Variants in ITGA1 observed in about 807,000 individuals in gnomAD.
ITGA1 encodes the protein integrin subunit alpha 1, also known as integrin alpha-1.
Under a neutral mutation model 145.9 loss-of-function variants are expected in ITGA1, and 85 were observed. The ratio of observed to expected loss-of-function variants is 0.58; its 90% CI spans 0.49 to 0.70. The LOEUF (loss-of-function observed/expected upper bound fraction) is 0.70, where lower values mean the gene tolerates loss of function less well. Among genes scored for constraint, ITGA1 ranks in the 30% least tolerant of loss-of-function variants. The pLI is 0.00. For missense variants in ITGA1, 1,351 were observed against 1,418.7 expected (o/e 0.95, Z 0.77); for synonymous variants, 520 against 495.3 (o/e 1.05, Z -0.66).
chr5:52,865,937 A>C (rs538850520), intron 6 of ITGA1, 120 bp downstream of exon 6: 3 of 717,542 alleles, frequency 4.2e-6, no homozygotes, highest in African/African-American at 1.9e-5. Flanking sequence ...AATGAATTTT[A>C]TATCCATTTC....
At position 52,834,061 on chromosome 5, in the gene ITGA1, A is replaced by C. The variant is rs528948457; in HGVS notation, c.62-15304A>C. On this transcript the variant is annotated intron_variant, in intron 1 of 28. Coordinates refer to ENST00000282588, the MANE Select transcript of ITGA1 (RefSeq NM_181501.2). The stretch of plus-strand genomic sequence containing the variant: ...TTAGCAATATAGAACAATGTACAAT[A>C]ACACATAACATAAGACAGTCCATGT... 1.3e-4 allele frequency among the ~76,000 whole-genome samples: 20 copies of C among 152,344 alleles called. No homozygotes were observed. In the East Asian group the frequency reaches 3.5e-3, roughly 26 times the overall value.
chr5:52,806,531 T>C (rs906340428), intron 1 of ITGA1, among the ~76,000 whole-genome samples: 1 of 152,084 alleles, frequency 6.6e-6, no homozygotes, highest in Non-Finnish European at 1.5e-5. Flanking sequence ...TTAATGGAGA[T>C]ACCTTCTTCA....
intron 1 of ITGA1, among the ~76,000 whole-genome samples, chr5:52,848,306 T>C (rs1468041862): frequency 2.0e-5 from 3 of 152,166 alleles, no homozygotes; most frequent in Non-Finnish European, 4.4e-5. Flanking sequence ...AAGCTTTACA[T>C]GGTGATATGT....
At chr5:52,903,115 A>G (rs1379186991) in intron 11 of ITGA1, 1 of 152,092 alleles carries the variant, frequency 6.6e-6, no homozygotes, top group East Asian at 1.9e-4. Context: ...AAGAGAGTTA[A>G]CTAAATAATC....
intron 15 of ITGA1, 72 bp downstream of exon 15, chr5:52,915,666 C>T: frequency 3.3e-6 from 5 of 1,523,924 alleles, no homozygotes; most frequent in Non-Finnish European, 2.7e-6. Context: ...GATTGGAGCT[C>T]ATGTCATACC....
At chr5:52,830,128 G>A (rs1484609986) in intron 1 of ITGA1, among the ~76,000 whole-genome samples, 1 of 152,158 alleles carries the variant, frequency 6.6e-6, no homozygotes, top group African/African-American at 2.4e-5. Flanking sequence ...GGGTATAGTA[G>A]CTCTGTGGCA....
chr5:52,871,287 CTT>C (rs1749771888), intron 6 of ITGA1, among the ~76,000 whole-genome samples: 1 of 151,916 alleles, frequency 6.6e-6, no homozygotes, highest in South Asian at 2.1e-4. Flanking sequence ...AAATATATAA[CTT>C]TTTAAATTAA....
At chr5:52,850,110 C>A (rs1374511826) in intron 2 of ITGA1, among the ~76,000 whole-genome samples, 1 of 150,916 alleles carries the variant, frequency 6.6e-6, no homozygotes, top group Non-Finnish European at 1.5e-5. Context: ...TCAAGTGATT[C>A]TCCTGCCTCA....
chr5:52,801,420 C>T (rs145721878), intron 1 of ITGA1: 14 of 1,612,274 alleles, frequency 8.7e-6, no homozygotes, highest in Non-Finnish European at 1.1e-5. Flanking sequence ...TACATGCCTC[C>T]TCCGGACACA....
At chr5:52,912,810 G>A (rs560633844) in intron 14 of ITGA1, among the ~76,000 whole-genome samples, 1 of 149,600 alleles carries the variant, frequency 6.7e-6, no homozygotes, top group South Asian at 2.1e-4. Context: ...GCAGTGGCAC[G>A]ATCTCAGCTT....
At chr5:52,945,214 T>C (rs959432589) in intron 27 of ITGA1, among the ~76,000 whole-genome samples, 179 bp downstream of exon 27, 1 of 152,176 alleles carries the variant, frequency 6.6e-6, no homozygotes, top group South Asian at 2.1e-4. Flanking sequence ...GTCTTATTCA[T>C]CCTTGTAAGA....
chr5:52,846,639 T>C (rs1749342959), intron 1 of ITGA1, among the ~76,000 whole-genome samples: 1 of 152,222 alleles, frequency 6.6e-6, no homozygotes, highest in Non-Finnish European at 1.5e-5. Context: ...AGCTGTTCTC[T>C]ATCACGCTGG....
chr5:52,879,417 G>A (rs1208001455), intron 6 of ITGA1, among the ~76,000 whole-genome samples: 1 of 152,102 alleles, frequency 6.6e-6, no homozygotes, highest in Non-Finnish European at 1.5e-5. Flanking sequence ...CCTAGAATTA[G>A]CCATAATGAT....
intron 8 of ITGA1, 99 bp from the exon 9 acceptor site, chr5:52,893,576 A>G: frequency 9.7e-7 from 1 of 1,033,008 alleles, no homozygotes; most frequent in Non-Finnish European, 1.4e-6. Context: ...CCATTATGCT[A>G]AGGTACTCTA....
In ITGA1 at chr5:52,952,393, T is replaced by C. The variant is rs552181648; in HGVS notation, c.3496-14T>C. 9.6e-5 allele frequency: 134 copies of C among 1,391,614 alleles called. 2 individuals are homozygous for C. In the South Asian group the frequency reaches 1.7e-3, roughly 18 times the overall value. 86.2% of individuals were successfully genotyped at this position (1,391,614 alleles called of 1,614,324 possible). A position where few individuals can be genotyped will look rare whatever the true frequency, so the allele number is the denominator to read the frequency against. On this transcript the variant is annotated splice_polypyrimidine_tract_variant and intron_variant, in intron 28 of 28. Transcript: ENST00000282588. ...AAATAGTTAATTGTGTTATGTTTTG[T>C]GTTTTCTCAACAGATTGGATTCTTC...
At chr5:52,946,889 A>C (rs1460971236) in intron 27 of ITGA1, among the ~76,000 whole-genome samples, 4 of 152,246 alleles carry the variant, frequency 2.6e-5, no homozygotes, top group African/African-American at 4.8e-5. Context: ...TTATACTTTC[A>C]ATTTATAAAC....
rs751215941 is a variant in ITGA1, at chr5:52,898,248, A to T, written c.1174A>T (p.Met392Leu). ...FSAHYSQDWV[M>L]LGAVGAYDWN... ...TTTATTTGCATGTAAGGACTGGGTCATGCTTGGAGCAGTAGGAGCCTATGA... is the reference window on the plus strand; with the variant it reads ...TTTATTTGCATGTAAGGACTGGGTCTTGCTTGGAGCAGTAGGAGCCTATGA... Residue 392 changes from methionine to leucine, a missense_variant, in exon 11 of 29, where the codon ATG becomes TTG. Physicochemically the swap from Met to Leu is conservative, Grantham distance 15 (BLOSUM62 2). Transcript: ENST00000282588. 1 of 1,576,878 alleles carries T rather than the reference A, an allele frequency of 6.3e-7. No homozygotes were observed. The highest frequency in any genetic ancestry group is 1.2e-5 in the South Asian group (1 of 83,224).
intron 1 of ITGA1, among the ~76,000 whole-genome samples, chr5:52,832,139 T>C (rs1160255000): frequency 6.6e-6 from 1 of 152,050 alleles, no homozygotes; most frequent in East Asian, 1.9e-4. Context: ...ACTATAACCC[T>C]GCTTCCTGGA....
chr5:52,928,495 C>G (rs1451909355), intron 20 of ITGA1, among the ~76,000 whole-genome samples: 8 of 152,108 alleles, frequency 5.3e-5, no homozygotes, highest in Non-Finnish European at 1.0e-4. Context: ...GTATATTCAC[C>G]AAATTATAAA....
Sources: allele counts gnomAD v4.1 joint callset (sites outside exome capture counted in the v4.1 genomes callset), GRCh38; gene constraint gnomAD v4.1.1; transcripts MANE v1.5; gene names NCBI Gene and HGNC (gene_info 2026-07-23, HGNC 2026-07-21).